The following COL4A4 variants were observed in gnomAD, a reference collection of about 807,000 sequenced individuals.
COL4A4 encodes the protein collagen type IV alpha 4 chain.
COL4A4 carries 105 observed loss-of-function variants against 192.9 expected under a neutral mutation model. That is an observed-to-expected ratio of 0.54 (90% CI 0.46 to 0.64). The LOEUF (loss-of-function observed/expected upper bound fraction) is 0.64. Ranked by LOEUF, COL4A4 falls within the 30% of genes least tolerant of loss-of-function variation. The pLI is 0.00. For synonymous variants in COL4A4, 762 were observed against 769.9 expected, an observed-to-expected ratio of 0.99 and a Z score of 0.17; for missense variants, 1,967 against 2,169.3, an observed-to-expected ratio of 0.91 and a Z score of 1.85.
At chr2:227,140,826 G>C (rs940175148) in intron 3 of COL4A4, among the ~76,000 whole-genome samples, 1 of 149,094 alleles carries the variant, frequency 6.7e-6, no homozygotes, top group Non-Finnish European at 1.5e-5. Context: ...TGAATAATTT[G>C]GACCTTTTCC....
chr2:226,992,558 A>G, the COL4A4 span, among the ~76,000 whole-genome samples: 1 of 152,204 alleles, frequency 6.6e-6, no homozygotes, highest in East Asian at 1.9e-4. Flanking sequence ...AAGCCGAACC[A>G]TGCTAGTAGC....
chr2:226,988,437 T>C, the COL4A4 span: 1 of 1,550,198 alleles, frequency 6.5e-7, no homozygotes, highest in African/African-American at 1.4e-5. Flanking sequence ...CAGGCCGCAG[T>C]TTGGACCTAA....
chr2:227,021,919 G>T, intron 44 of COL4A4, 129 bp downstream of exon 44: 1 of 1,057,670 alleles, frequency 9.5e-7, no homozygotes, highest in Admixed American at 2.3e-5. Flanking sequence ...GAAACAAATT[G>T]CAAAGGGAAA....
chr2:227,120,935 T>C, intron 5 of COL4A4, 79 bp downstream of exon 5: 2 of 1,570,324 alleles, frequency 1.3e-6, no homozygotes, highest in Non-Finnish European at 1.8e-6. Context: ...TAAGACTGTC[T>C]AAAAAAAACA....
In COL4A4 at chr2:227,003,742, T is replaced by G. The variant is rs541174815; in HGVS notation, c.*3583A>C. ...TCTTAAATCCTGAGGGAATACAGAT[T>G]ACAGCATAAGGTAAGTCATGTCACA... On this transcript the variant is annotated 3_prime_UTR_variant, in exon 48 of 48. Coordinates refer to ENST00000396625, the MANE Select transcript of COL4A4 (RefSeq NM_000092.5). 1 of 152,316 alleles carries G rather than the reference T, an allele frequency of 6.6e-6. No homozygotes were observed. The highest frequency in any genetic ancestry group is 2.4e-5 in the African/African-American group (1 of 41,568). 9.4% of individuals were successfully genotyped at this position (152,316 alleles called of 1,614,324 possible). A position where few individuals can be genotyped will look rare whatever the true frequency, so the allele number is the denominator to read the frequency against.
At chr2:227,045,834 A>T (rs1972461048) in intron 35 of COL4A4, among the ~76,000 whole-genome samples, 3 of 66,974 alleles carry the variant, frequency 4.5e-5, no homozygotes, top group African/African-American at 2.8e-4. Context: ...ATATATATAC[A>T]CACATATATA....
intron 27 of COL4A4, 123 bp downstream of exon 27, chr2:227,060,013 A>G (rs1976491970): frequency 7.1e-6 from 5 of 701,246 alleles, no homozygotes; most frequent in African/African-American, 1.8e-5. Context: ...CCATTTCCCT[A>G]TTATCTAGGG....
At chr2:227,109,481 G>T (rs1353061322) in intron 9 of COL4A4, 195 bp from the exon 10 acceptor site, 2 of 696,686 alleles carry the variant, frequency 2.9e-6, no homozygotes, top group South Asian at 3.0e-5. Flanking sequence ...GGGCACGGTG[G>T]TTCACACCTG....
rs139616158 is a variant in COL4A4, at chr2:227,144,376, G to C, written c.114+140C>G. ...ACTATACAATATAAAAGAAATCTTA[G>C]AGTTTATTTAGTCCTATTCTCCATT... On this transcript the variant is annotated intron_variant, in intron 3 of 47. Coordinates refer to ENST00000396625, the MANE Select transcript of COL4A4 (RefSeq NM_000092.5). 280 of 702,320 alleles carry C rather than the reference G, an allele frequency of 4.0e-4. 2 individuals are homozygous for C. In the African/African-American group the frequency reaches 4.5e-3, roughly 11 times the overall value. The allele number at this position is 702,320 out of a possible 1,614,324, so 43.5% of individuals were successfully genotyped here. A position where few individuals can be genotyped will look rare whatever the true frequency, so the allele number is the denominator to read the frequency against.
At chr2:227,099,813 T>G in intron 17 of COL4A4, 124 bp from the exon 18 acceptor site, 1 of 832,564 alleles carries the variant, frequency 1.2e-6, no homozygotes, top group Non-Finnish European at 2.0e-6. Flanking sequence ...ATAGGCTGAC[T>G]AGAGAAATGA....
chr2:227,032,422 T>C, intron 38 of COL4A4, 146 bp from the exon 39 acceptor site: 2 of 847,458 alleles, frequency 2.4e-6, no homozygotes, highest in African/African-American at 3.4e-5. Context: ...GATCCAAATG[T>C]CTGCACCATT....
the COL4A4 span, among the ~76,000 whole-genome samples, chr2:226,980,408 G>T: frequency 4.5e-4 from 68 of 152,278 alleles, no homozygotes; most frequent in African/African-American, 1.6e-3. Context: ...TGAAATGCCT[G>T]GAAGAGAAAA....
chr2:226,987,608 G>A, the COL4A4 span, among the ~76,000 whole-genome samples: 3 of 152,208 alleles, frequency 2.0e-5, no homozygotes, highest in East Asian at 1.9e-4. Context: ...ATGGACACTC[G>A]AACCTCTGTG....
At chr2:227,075,752 C>T (rs1245061191) in intron 25 of COL4A4, among the ~76,000 whole-genome samples, 1 of 152,132 alleles carries the variant, frequency 6.6e-6, no homozygotes, top group Non-Finnish European at 1.5e-5. Context: ...ATCGTCTCAG[C>T]CCAAAAACTC....
intron 24 of COL4A4, 30 bp from the exon 25 acceptor site, chr2:227,078,107 C>T: frequency 6.2e-7 from 1 of 1,609,900 alleles, no homozygotes; most frequent in Non-Finnish European, 8.5e-7. Flanking sequence ...AGTCAATTAC[C>T]AACCACTGAA....
the COL4A4 span, among the ~76,000 whole-genome samples, chr2:226,967,950 A>G: frequency 2.6e-5 from 4 of 152,254 alleles, no homozygotes; most frequent in Admixed American, 2.6e-4. Flanking sequence ...CTTCAGTAAA[A>G]TTACTTCTAA....
chr2:227,093,507 A>G (rs985273695), intron 20 of COL4A4, among the ~76,000 whole-genome samples: 4 of 151,980 alleles, frequency 2.6e-5, no homozygotes, highest in Non-Finnish European at 4.4e-5. Context: ...GGATGGCTCC[A>G]CCTAGACCCA....
intron 37 of COL4A4, among the ~76,000 whole-genome samples, chr2:227,039,620 T>G (rs1338546393): frequency 6.6e-6 from 1 of 152,182 alleles, no homozygotes; most frequent in Non-Finnish European, 1.5e-5. Flanking sequence ...CACTTAAAAA[T>G]CCTTGCTGTG....
chr2:227,090,874 TAA>T (rs61653413), intron 20 of COL4A4, among the ~76,000 whole-genome samples: 7 of 124,094 alleles, frequency 5.6e-5, no homozygotes, highest in Non-Finnish European at 7.1e-5. Context: ...GGCAGATCCT[TAA>T]AAAAAAAAAA....
Sources: allele counts gnomAD v4.1 joint callset (sites outside exome capture counted in the v4.1 genomes callset), GRCh38; gene constraint gnomAD v4.1.1; transcripts MANE v1.5; gene names NCBI Gene and HGNC (gene_info 2026-07-23, HGNC 2026-07-21).